The following SUGCT variants were observed in gnomAD, a reference collection of about 807,000 sequenced individuals.
SUGCT encodes succinyl-CoA:glutarate-CoA transferase.
A neutral mutation model predicts 55.0 loss-of-function variants in SUGCT; 41 were observed. The observed-to-expected ratio is 0.74, with a 90% confidence interval of 0.58 to 0.97. The LOEUF is 0.97. Among genes scored for constraint, SUGCT ranks in the 50% least tolerant of loss-of-function variants. The pLI is 0.00. For synonymous variants in SUGCT, 187 were observed against 200.4 expected (o/e 0.93, Z 0.56); for missense variants, 568 against 547.8 (o/e 1.04, Z -0.37).
chr7:40,838,292 A>G (rs1793095039), intron 13 of SUGCT, among the ~76,000 whole-genome samples: 8 of 152,204 alleles, frequency 5.3e-5, no homozygotes, highest in Admixed American at 5.2e-4. Context: ...ACAGGAGAAA[A>G]CAACAGTTCT....
intron 7 of SUGCT, among the ~76,000 whole-genome samples, chr7:40,272,139 GACATATAT>G: frequency 1.5e-5 from 1 of 66,036 alleles, no homozygotes; most frequent in Non-Finnish European, 2.7e-5. Flanking sequence ...ACTGCAATGT[GACATATAT>G]ATATATATAT....
At chr7:40,779,736 A>G (rs1789638449) in intron 13 of SUGCT, among the ~76,000 whole-genome samples, 1 of 152,226 alleles carries the variant, frequency 6.6e-6, no homozygotes, top group Non-Finnish European at 1.5e-5. Flanking sequence ...TAAACTCTTC[A>G]TTCCCACAAT....
chr7:40,401,590 C>A (rs143741691), intron 9 of SUGCT, among the ~76,000 whole-genome samples: 1 of 152,200 alleles, frequency 6.6e-6, no homozygotes, highest in Non-Finnish European at 1.5e-5. Context: ...TGAGGTTTGC[C>A]CTTCCAACTT....
chr7:40,642,193 A>G (rs1448347162), intron 12 of SUGCT, among the ~76,000 whole-genome samples: 5 of 152,204 alleles, frequency 3.3e-5, no homozygotes, highest in Non-Finnish European at 5.9e-5. Flanking sequence ...TGCAGAGATT[A>G]TGCCGTGGAT....
intron 13 of SUGCT, among the ~76,000 whole-genome samples, chr7:40,836,580 T>C (rs577857999): frequency 1.5e-4 from 23 of 152,334 alleles, no homozygotes; most frequent in African/African-American, 5.5e-4. Context: ...GATCCCTCAT[T>C]CTGCCCTTTT....
In SUGCT at chr7:40,781,138, C is replaced by T. The variant is rs369893624; in HGVS notation, c.1153+31641C>T. On this transcript the variant is annotated intron_variant, in intron 13 of 13. Transcript: ENST00000335693. The stretch of plus-strand genomic sequence containing the variant: ...CTTCTCCTTGGAGTCTGTATCAGCT[C>T]GCTGCTTCTCCTTAGTTATGCACGT... Among the ~76,000 whole-genome samples the T allele has an allele frequency of 1.4e-4, 21 of 152,188 alleles. No homozygotes were observed. In the South Asian group the frequency reaches 2.5e-3, roughly 18 times the overall value.
At chr7:40,489,344 T>G (rs1320731794) in intron 11 of SUGCT, among the ~76,000 whole-genome samples, 1 of 152,146 alleles carries the variant, frequency 6.6e-6, no homozygotes, top group Non-Finnish European at 1.5e-5. Context: ...TCTCTGATAT[T>G]TGTTTCTCTG....
chr7:40,938,568 T>C, the SUGCT span, among the ~76,000 whole-genome samples: 1 of 152,174 alleles, frequency 6.6e-6, no homozygotes, highest in Non-Finnish European at 1.5e-5. Context: ...AATTGTTTAA[T>C]GGTGAAGTCT....
At chr7:40,886,677 C>A in the SUGCT span, among the ~76,000 whole-genome samples, 1 of 152,208 alleles carries the variant, frequency 6.6e-6, no homozygotes, top group African/African-American at 2.4e-5. Context: ...CCATAGTGGT[C>A]ATTCTCCTAG....
chr7:40,175,043 T>C (rs1784858472), intron 1 of SUGCT, among the ~76,000 whole-genome samples: 1 of 152,176 alleles, frequency 6.6e-6, no homozygotes, highest in Non-Finnish European at 1.5e-5. Flanking sequence ...GAGATTTTTA[T>C]TTATTTGTGA....
chr7:40,366,433 G>T (rs1454184539), intron 9 of SUGCT, among the ~76,000 whole-genome samples: 2 of 151,960 alleles, frequency 1.3e-5, no homozygotes, highest in Non-Finnish European at 2.9e-5. Flanking sequence ...TTAAACTAAA[G>T]AGCTTCTGCA....
the SUGCT span, among the ~76,000 whole-genome samples, chr7:40,942,279 T>G: frequency 6.6e-6 from 1 of 152,238 alleles, no homozygotes; most frequent in Admixed American, 6.5e-5. Flanking sequence ...CCCCCAGCAT[T>G]TGCTTGTCTG....
chr7:40,280,675 T>A (rs1204495453), intron 8 of SUGCT, among the ~76,000 whole-genome samples: 1 of 152,236 alleles, frequency 6.6e-6, no homozygotes, highest in Non-Finnish European at 1.5e-5. Context: ...CTCAAGCAAG[T>A]AATCTAAAAT....
chr7:40,531,180 A>G (rs887768026), intron 12 of SUGCT, among the ~76,000 whole-genome samples: 1 of 152,210 alleles, frequency 6.6e-6, no homozygotes. Context: ...ACAGAACATA[A>G]GATGCACATG....
chr7:40,826,632 C>T (rs76243462), intron 13 of SUGCT, among the ~76,000 whole-genome samples: 26 of 152,336 alleles, frequency 1.7e-4, no homozygotes, highest in African/African-American at 5.5e-4. Context: ...AAGTACCCAG[C>T]TCCTGACAAA....
intron 8 of SUGCT, among the ~76,000 whole-genome samples, chr7:40,306,389 A>T (rs536634016): frequency 1.3e-5 from 2 of 152,182 alleles, no homozygotes; most frequent in Non-Finnish European, 2.9e-5. Flanking sequence ...TGTAGCATTG[A>T]TCATTTCTAT....
chr7:40,514,665 G>A (rs767223110), intron 12 of SUGCT, among the ~76,000 whole-genome samples: 8 of 146,050 alleles, frequency 5.5e-5, no homozygotes, highest in African/African-American at 1.0e-4. Context: ...AGCCGAGATC[G>A]TGCCATTGCA....
intron 12 of SUGCT, among the ~76,000 whole-genome samples, chr7:40,688,893 A>C (rs1056814026): frequency 1.3e-5 from 2 of 152,170 alleles, no homozygotes; most frequent in African/African-American, 4.8e-5. Context: ...TTTAAAAAAA[A>C]ATTTTGGAGA....
intron 9 of SUGCT, among the ~76,000 whole-genome samples, chr7:40,377,346 G>T (rs1433318135): frequency 6.7e-6 from 1 of 149,940 alleles, no homozygotes; most frequent in East Asian, 2.0e-4. Flanking sequence ...GGATTCAAGC[G>T]ATTCTTGTGC....
Sources: gnomAD v4.1 joint callset for allele counts (sites outside exome capture counted in the v4.1 genomes callset) on GRCh38, gnomAD v4.1.1 for gene constraint, MANE v1.5 for transcripts, NCBI Gene and HGNC (gene_info 2026-07-23, HGNC 2026-07-21) for gene names.